The following CNOT10 variants were observed in gnomAD, a reference collection of about 807,000 sequenced individuals.
CNOT10 encodes CCR4-NOT transcription complex subunit 10.
A neutral mutation model predicts 94.6 loss-of-function variants in CNOT10; 30 were observed. The ratio of observed to expected loss-of-function variants is 0.32; its 90% CI spans 0.24 to 0.43. CNOT10 has a LOEUF of 0.43. Among genes scored for constraint, CNOT10 ranks in the 20% least tolerant of loss-of-function variants. The pLI is 1.00. For missense variants in CNOT10, 759 were observed against 877.2 expected (o/e 0.87, Z 1.70); for synonymous variants, 289 against 301.6 (o/e 0.96, Z 0.43).
chr3:32,746,335 C>T (rs1699698858), intron 13 of CNOT10, among the ~76,000 whole-genome samples: 1 of 152,094 alleles, frequency 6.6e-6, no homozygotes, highest in Non-Finnish European at 1.5e-5. Flanking sequence ...TTATTGTGCA[C>T]TGTATTTCTA....
chr3:32,737,531 G>T, intron 13 of CNOT10, 41 bp downstream of exon 13: 2 of 1,324,248 alleles, frequency 1.5e-6, no homozygotes, highest in South Asian at 1.2e-5. Context: ...CTATTGAAAT[G>T]AACATATTCA....
chr3:32,717,279 CTTAT>C, intron 7 of CNOT10, 42 bp downstream of exon 7: 1 of 1,143,432 alleles, frequency 8.7e-7, no homozygotes, highest in South Asian at 1.3e-5. Flanking sequence ...TTGTGTCTTT[CTTAT>C]TTAGACTATG....
At chr3:32,746,191 A>G (rs1010549971) in intron 13 of CNOT10, among the ~76,000 whole-genome samples, 4 of 152,212 alleles carry the variant, frequency 2.6e-5, no homozygotes, top group African/African-American at 9.6e-5. Flanking sequence ...TTGACTGGAA[A>G]GAAATATAAA....
chr3:32,742,411 T>C (rs563986566), intron 13 of CNOT10, among the ~76,000 whole-genome samples: 30 of 151,928 alleles, frequency 2.0e-4, no homozygotes, highest in African/African-American at 7.0e-4. Context: ...TGAGACAGTC[T>C]TGCTGTGTTG....
chr3:32,764,611 G>C, intron 16 of CNOT10, 71 bp from the exon 17 acceptor site: 1 of 1,605,320 alleles, frequency 6.2e-7, no homozygotes, highest in Non-Finnish European at 8.5e-7. Context: ...GGCTCCTCAA[G>C]GCGATAGATT....
chr3:32,730,015 G>A (rs1295995987), intron 10 of CNOT10, among the ~76,000 whole-genome samples: 8 of 151,822 alleles, frequency 5.3e-5, no homozygotes, highest in African/African-American at 1.7e-4. Flanking sequence ...TGATCCGCCC[G>A]CCTCGGCCTC....
intron 4 of CNOT10, 69 bp from the exon 5 acceptor site, chr3:32,713,158 G>A: frequency 8.0e-7 from 1 of 1,248,664 alleles, no homozygotes; most frequent in Non-Finnish European, 1.1e-6. Context: ...TACTTTTTTG[G>A]AGGGTGGTCT....
rs142531095 is a variant in CNOT10 at position 32,762,112 on chromosome 3, T to G, written c.1710-621T>G. 3.5e-3 allele frequency among the ~76,000 whole-genome samples: 533 copies of G among 150,376 alleles called. 1 individual carries two copies. The highest frequency in any genetic ancestry group is 9.1e-3 in the African/African-American group (373 of 40,974). On this transcript the variant is annotated intron_variant, in intron 14 of 18. Transcript: ENST00000328834. ...TATAAAAGTTTAGTTTGTGGTGGTG[T>G]TGTTCTTGTGTAGAAAGTCATTAAG...
In CNOT10 at chr3:32,687,439, G is replaced by GTTTTTTTTTTTGTTTTTTTTTTTTTTT. The variant is rs1553626981; in HGVS notation, c.22+1968_22+1969insGTTTTTTTTTTTTTTTTTTTTTTTTTT. Among the ~76,000 whole-genome samples the GTTTTTTTTTTTGTTTTTTTTTTTTTTT allele has an allele frequency of 2.4e-3, 124 of 51,314 alleles. 33 individuals are homozygous for GTTTTTTTTTTTGTTTTTTTTTTTTTTT. Among genetic ancestry groups the GTTTTTTTTTTTGTTTTTTTTTTTTTTT allele is most frequent in the Non-Finnish European group, 3.6e-3 (106 of 29,278 alleles). The allele number at this position is 51,314 out of a possible 152,430, so 33.7% of individuals were successfully genotyped here. On this transcript the variant is annotated intron_variant, in intron 1 of 18. Coordinates refer to ENST00000328834, the MANE Select transcript of CNOT10 (RefSeq NM_015442.3). The stretch of plus-strand genomic sequence containing the variant: ...TTCTTTCTCCTTTTAAGTCCTCACG[G>GTTTTTTTTTTTGTTTTTTTTTTTTTTT]TTTTTTTTTTTTGTTTTTTTTTTTT...
intron 1 of CNOT10, among the ~76,000 whole-genome samples, chr3:32,701,595 G>A (rs771575231): frequency 3.3e-5 from 5 of 152,050 alleles, no homozygotes; most frequent in Non-Finnish European, 7.4e-5. Context: ...ACTAGATGTC[G>A]TTATTTAAAA....
intron 8 of CNOT10, among the ~76,000 whole-genome samples, chr3:32,720,446 T>C (rs1698318666): frequency 6.6e-6 from 1 of 152,144 alleles, no homozygotes; most frequent in South Asian, 2.1e-4. Flanking sequence ...TTCTTTCTTT[T>C]TTTTACTTTT....
intron 8 of CNOT10, among the ~76,000 whole-genome samples, chr3:32,720,571 C>T (rs1450927066): frequency 2.0e-5 from 3 of 151,564 alleles, no homozygotes. Context: ...CAGCTCACTA[C>T]AGCCTCAACC....
At chr3:32,708,563 C>A in intron 3 of CNOT10, 107 bp from the exon 4 acceptor site, 2 of 897,940 alleles carry the variant, frequency 2.2e-6, no homozygotes, top group East Asian at 2.7e-5. Flanking sequence ...TGGAAAAATT[C>A]AGAATAAGAA....
chr3:32,719,905 T>A (rs577104278), intron 7 of CNOT10, among the ~76,000 whole-genome samples: 30 of 152,304 alleles, frequency 2.0e-4, no homozygotes, highest in Admixed American at 3.9e-4. Context: ...AGGTGGACCC[T>A]TAGTAATTAT....
intron 17 of CNOT10, among the ~76,000 whole-genome samples, chr3:32,767,519 CAAAA>C (rs10687739): frequency 9.5e-6 from 1 of 105,596 alleles, no homozygotes; most frequent in African/African-American, 3.7e-5. Context: ...AACTCTGTCT[CAAAA>C]AAAAAAAAAA....
At chr3:32,721,711 A>G (rs1160027288) in intron 8 of CNOT10, among the ~76,000 whole-genome samples, 2 of 150,016 alleles carry the variant, frequency 1.3e-5, no homozygotes, top group South Asian at 2.1e-4. Flanking sequence ...CAGTGGCACA[A>G]TCTCGGCTCA....
intron 10 of CNOT10, among the ~76,000 whole-genome samples, chr3:32,730,019 C>T (rs868073310): frequency 6.6e-6 from 1 of 151,874 alleles, no homozygotes; most frequent in Non-Finnish European, 1.5e-5. Flanking sequence ...CCGCCCGCCT[C>T]GGCCTCCCAA....
At position 32,713,224 on chromosome 3, in the gene CNOT10, C is replaced by A; in HGVS notation, c.431-3C>A. 1 of 1,557,092 alleles carries A rather than the reference C, an allele frequency of 6.4e-7. No individual in the cohort carries two copies. The highest frequency in any genetic ancestry group is 8.6e-7 in the Non-Finnish European group (1 of 1,162,272). Reference sequence around the variant, plus strand: ...ATTCTTTTCTGTGTTTTTTTTCTCCCAGAAGAAAAATTTGCCCAAGCAGTG... The same window carrying A: ...ATTCTTTTCTGTGTTTTTTTTCTCCAAGAAGAAAAATTTGCCCAAGCAGTG... On this transcript the variant is annotated splice_polypyrimidine_tract_variant and splice_region_variant and intron_variant, in intron 4 of 18. Coordinates refer to ENST00000328834, the MANE Select transcript of CNOT10 (RefSeq NM_015442.3).
intron 3 of CNOT10, among the ~76,000 whole-genome samples, chr3:32,707,443 A>G (rs1020073631): frequency 6.6e-6 from 1 of 152,178 alleles, no homozygotes; most frequent in Non-Finnish European, 1.5e-5. Context: ...TTCTAGCCCT[A>G]TGGCCTTGGG....
Sources: gnomAD v4.1 joint callset for allele counts (sites outside exome capture counted in the v4.1 genomes callset) on GRCh38, gnomAD v4.1.1 for gene constraint, MANE v1.5 for transcripts, NCBI Gene and HGNC (gene_info 2026-07-23, HGNC 2026-07-21) for gene names.